HERC2: variants seen among roughly 807,000 people sequenced by gnomAD.
HERC2 encodes the protein HECT and RLD domain containing E3 ubiquitin protein ligase 2, also known as E3 ubiquitin-protein ligase HERC2.
HERC2 carries 102 observed loss-of-function variants against 537.7 expected under a neutral mutation model. The observed-to-expected ratio is 0.19, with a 90% CI of 0.16 to 0.22. HERC2 has a LOEUF of 0.22. HERC2 is among the 10% of genes least tolerant of loss of function. The pLI, the probability that HERC2 is intolerant of heterozygous loss-of-function variation, is 1.00. For missense variants in HERC2, 4,236 were observed against 6,198.2 expected (o/e 0.68, Z 10.63); for synonymous variants, 2,224 against 2,466.2 (o/e 0.90, Z 2.91).
rs187321552 is a variant in HERC2, at chr15:28,191,734, T to G, written c.8451+227A>C. 2.9e-3 allele frequency among the ~76,000 whole-genome samples: 447 copies of G among 152,350 alleles called. 3 individuals are homozygous for G. Among genetic ancestry groups the G allele is most frequent in the Non-Finnish European group, 3.8e-3 (259 of 68,024 alleles). ...AAGCCTGACCACATCCTCTATCAAG[T>G]GGTCAGTTAGATAAAATCTATTACT... On this transcript the variant is annotated intron_variant, in intron 53 of 92. Transcript: ENST00000261609.
chr15:28,135,715 T>G (rs759638358), intron 78 of HERC2, 23 bp from the exon 79 acceptor site: 2 of 1,566,476 alleles, frequency 1.3e-6, no homozygotes, highest in Non-Finnish European at 1.8e-6. Flanking sequence ...AAAGCAATAG[T>G]AACATCAGTT....
chr15:28,303,953 G>A (rs536175159), intron 2 of HERC2, among the ~76,000 whole-genome samples: 1 of 152,174 alleles, frequency 6.6e-6, no homozygotes, highest in African/African-American at 2.4e-5. Flanking sequence ...ATCACCTGAG[G>A]TCAGGAGTTC....
At chr15:28,240,299 T>C (rs1263114553) in intron 23 of HERC2, among the ~76,000 whole-genome samples, 1 of 152,152 alleles carries the variant, frequency 6.6e-6, no homozygotes, top group Admixed American at 6.5e-5. Context: ...GCGCCTGTAG[T>C]CCCAGCTACT....
intron 23 of HERC2, among the ~76,000 whole-genome samples, chr15:28,242,224 G>C (rs559009703): frequency 6.6e-6 from 1 of 152,330 alleles, no homozygotes; most frequent in African/African-American, 2.4e-5. Flanking sequence ...CTAGAGATGA[G>C]TGGCGGTGAT....
At chr15:28,141,290 G>A in intron 78 of HERC2, 142 bp downstream of exon 78, 1 of 614,966 alleles carries the variant, frequency 1.6e-6, no homozygotes. Flanking sequence ...TAGAACTCTA[G>A]CTGCTTCCTG....
intron 2 of HERC2, among the ~76,000 whole-genome samples, chr15:28,310,578 G>A (rs1389329206): frequency 6.6e-6 from 1 of 152,214 alleles, no homozygotes; most frequent in Non-Finnish European, 1.5e-5. Context: ...TCTTCAGTCA[G>A]AGGAGGGCAG....
Position 28,127,401 on chromosome 15 carries a change from G to C in HERC2, c.12803-2208C>G, listed in dbSNP as rs551152198. Among the ~76,000 whole-genome samples, 6 of 152,334 alleles carry C rather than the reference G, an allele frequency of 3.9e-5. No individual in the cohort carries two copies. In the South Asian group the frequency reaches 1.2e-3, roughly 32 times the overall value. The stretch of plus-strand genomic sequence containing the variant: ...GGGGAGTGGCCAAATCGCCAGAAAA[G>C]AAAGGATCTGCAAGGTTGCCATGAG... On this transcript the variant is annotated intron_variant, in intron 83 of 92. Coordinates refer to ENST00000261609, the MANE Select transcript of HERC2 (RefSeq NM_004667.6).
At chr15:28,261,578 C>A (rs2075416338) in intron 15 of HERC2, among the ~76,000 whole-genome samples, 1 of 151,952 alleles carries the variant, frequency 6.6e-6, no homozygotes, top group South Asian at 2.1e-4. Context: ...TTAACATCAG[C>A]AACAAAAAAG....
rs749477792 is a variant in HERC2, at chr15:28,169,590, G to A, written c.10123C>T (p.Pro3375Ser). ...ATCTTGGCAAGAGAAGGGCGATTTG[G>A]CTTAGAATTACTTGCACCACTTATT... is the stretch of plus-strand genomic sequence containing the variant. ...NKISGASNSK[P>S]NRPSLAKILL... Residue 3375 changes from proline (P) to serine (S), a missense_variant, in exon 66 of 93, where the codon CCA becomes TCA. Pro to Ser is a moderately conservative substitution (Grantham distance 74). Around this residue, in one of 27 missense-constraint regions of HERC2, gnomAD observed 356 missense variants for 450.9 expected, o/e 0.79. Transcript: ENST00000261609. 7 of 1,613,938 alleles carry A rather than the reference G, an allele frequency of 4.3e-6. No homozygotes were observed. The highest frequency in any genetic ancestry group is 5.9e-6 in the Non-Finnish European group (7 of 1,179,952).
rs140886629 is a variant in HERC2, at chr15:28,164,311, C to G, written c.10555-1026G>C. 2.9e-3 allele frequency among the ~76,000 whole-genome samples: 445 copies of G among 152,262 alleles called. 7 individuals are homozygous for G. In the South Asian group the frequency reaches 0.045, roughly 15 times the overall value. On this transcript the variant is annotated intron_variant, in intron 68 of 92. Transcript: ENST00000261609. ...TGTTCCCCTTAAGGGGAAAATGACC[C>G]AACCAGTGGACCCTGGAAACCACAC...
At chr15:28,194,945 A>T (rs1006999642) in intron 52 of HERC2, among the ~76,000 whole-genome samples, 1 of 151,262 alleles carries the variant, frequency 6.6e-6, no homozygotes, top group Non-Finnish European at 1.5e-5. Flanking sequence ...AATCCCAGCT[A>T]CTCGGGAGGC....
At chr15:28,305,430 G>C (rs1455027650) in intron 2 of HERC2, among the ~76,000 whole-genome samples, 1 of 143,270 alleles carries the variant, frequency 7.0e-6, no homozygotes, top group Non-Finnish European at 1.5e-5. Flanking sequence ...AATGGGGAAA[G>C]GATTCCCTAT....
intron 68 of HERC2, among the ~76,000 whole-genome samples, chr15:28,165,705 G>A (rs1479872191): frequency 6.6e-6 from 1 of 152,086 alleles, no homozygotes; most frequent in African/African-American, 2.4e-5. Context: ...TACTTGGGAG[G>A]CTGAGGATGG....
At chr15:28,125,252 G>GCCA in intron 83 of HERC2, 59 bp from the exon 84 acceptor site, 1 of 1,396,108 alleles carries the variant, frequency 7.2e-7, no homozygotes, top group Non-Finnish European at 1.0e-6. Flanking sequence ...ACGCATGGCT[G>GCCA]CCAGTGTCTT....
intron 78 of HERC2, among the ~76,000 whole-genome samples, chr15:28,137,039 A>G (rs1890719284): frequency 1.3e-5 from 2 of 152,274 alleles, no homozygotes; most frequent in Admixed American, 1.3e-4. Flanking sequence ...AACAACCAAA[A>G]CAACAACAAT....
At chr15:28,279,151 C>A (rs1455932184) in intron 5 of HERC2, among the ~76,000 whole-genome samples, 2 of 152,084 alleles carry the variant, frequency 1.3e-5, no homozygotes, top group African/African-American at 4.8e-5. Flanking sequence ...GCCACCAAGC[C>A]CCGGCTAATT....
intron 35 of HERC2, among the ~76,000 whole-genome samples, chr15:28,225,525 G>A (rs1161613676): frequency 2.0e-5 from 3 of 151,516 alleles, no homozygotes; most frequent in African/African-American, 4.8e-5. Context: ...GTGAAACCCC[G>A]TCTCCACTAA....
chr15:28,300,038 G>T (rs2076577523), intron 2 of HERC2, among the ~76,000 whole-genome samples: 2 of 143,438 alleles, frequency 1.4e-5, no homozygotes, highest in Admixed American at 1.4e-4. Flanking sequence ...AGTGACAAGA[G>T]CGAGACTCGG....
At position 28,177,394 on chromosome 15, in the gene HERC2, A is replaced by G. The variant is rs34662382; in HGVS notation, c.9254+25T>C. 3.0e-3 allele frequency: 4,856 copies of G among 1,596,870 alleles called. 222 individuals are homozygous for G. The Admixed American group carries it at 0.07, about 23-fold the overall frequency. Reference sequence around the variant, plus strand: ...GTCAGAAACAGTTTCTTATTAGCAAATGAGACTAAAAAAAGTACCCTTACA... The same window carrying G: ...GTCAGAAACAGTTTCTTATTAGCAAGTGAGACTAAAAAAAGTACCCTTACA... On this transcript the variant is annotated intron_variant, in intron 60 of 92. Transcript: ENST00000261609. The surrounding 1 kb of genome is among the most constrained non-coding windows in gnomAD (Gnocchi z 5.0).
Sources: allele counts gnomAD v4.1 joint callset (sites outside exome capture counted in the v4.1 genomes callset), GRCh38; gene constraint gnomAD v4.1.1; regional missense constraint gnomAD v4.1.1; non-coding constraint Gnocchi (gnomAD v3.1); transcripts MANE v1.5; gene names NCBI Gene and HGNC (gene_info 2026-07-23, HGNC 2026-07-21).